The following CBR4 variants were observed in gnomAD, a reference collection of about 807,000 sequenced individuals.
The protein encoded by CBR4 is carbonyl reductase 4.
A neutral mutation model predicts 21.0 loss-of-function variants in CBR4; 22 were observed. The observed-to-expected ratio is 1.05, with a 90% CI of 0.75 to 1.50. CBR4 has a LOEUF of 1.50. CBR4 is among the 40% of genes most tolerant of loss of function. CBR4 has a pLI of 0.00. For synonymous variants in CBR4, 100 were observed against 104.4 expected (o/e 0.96, Z 0.26); for missense variants, 302 against 286.3 (o/e 1.05, Z -0.40).
chr4:168,938,693 T>C (rs1010094219), intron 2 of CBR4, among the ~76,000 whole-genome samples: 10 of 152,044 alleles, frequency 6.6e-5, no homozygotes, highest in Admixed American at 1.3e-4. Context: ...TCTATGCAAA[T>C]AAACTAGAAA....
At chr4:168,899,562 G>C (rs1157565613) in intron 2 of CBR4, among the ~76,000 whole-genome samples, 1 of 152,166 alleles carries the variant, frequency 6.6e-6, no homozygotes, top group African/African-American at 2.4e-5. Context: ...ACCATGAGGA[G>C]AGTTGTGTTA....
intron 3 of CBR4, among the ~76,000 whole-genome samples, chr4:169,006,196 T>C (rs189645841): frequency 2.6e-5 from 4 of 152,310 alleles, no homozygotes; most frequent in Admixed American, 6.5e-5. Context: ...CACTGTCTAC[T>C]TTAATTCCTT....
chr4:168,957,903 T>A (rs1763734830), intron 2 of CBR4, among the ~76,000 whole-genome samples: 1 of 152,076 alleles, frequency 6.6e-6, no homozygotes, highest in Admixed American at 6.6e-5. Context: ...TATAAGGGGT[T>A]TTCCCTGCCT....
intron 2 of CBR4, chr4:168,921,614 G>T: frequency 6.2e-7 from 1 of 1,610,580 alleles, no homozygotes; most frequent in Non-Finnish European, 8.5e-7. Flanking sequence ...ACAAGATGCT[G>T]GTGCGTGAGA....
rs6828456 is a variant in CBR4 at position 168,988,640 on chromosome 4, C to T, written c.*1510G>A. 1 of 985,026 alleles carries T rather than the reference C, an allele frequency of 1.0e-6. No homozygotes were observed. The highest frequency in any genetic ancestry group is 1.2e-6 in the Non-Finnish European group (1 of 829,574). The allele number at this position is 985,026 out of a possible 1,614,324, so 61.0% of individuals were successfully genotyped here. ...CTATATGTGCCTAGACTTGGTAATG[C>T]CTGATAAATTCTGTATATTACCACG... On this transcript the variant is annotated 3_prime_UTR_variant, in exon 5 of 5. Transcript: ENST00000306193.
At chr4:168,919,572 G>GAA (rs1198277536) in intron 2 of CBR4, among the ~76,000 whole-genome samples, 1 of 144,090 alleles carries the variant, frequency 6.9e-6, no homozygotes, top group African/African-American at 2.5e-5. Flanking sequence ...GATAGATCAG[G>GAA]AAAAAAAAAA....
intron 4 of CBR4, among the ~76,000 whole-genome samples, chr4:168,996,146 G>A (rs982384193): frequency 4.6e-5 from 7 of 152,186 alleles, no homozygotes; most frequent in African/African-American, 1.7e-4. Context: ...TCAGGGGACA[G>A]CTGCTAGCCA....
At chr4:168,917,862 C>T (rs1045302604) in intron 2 of CBR4, among the ~76,000 whole-genome samples, 10 of 151,884 alleles carry the variant, frequency 6.6e-5, no homozygotes, top group African/African-American at 2.4e-4. Flanking sequence ...AGTACAGCTA[C>T]CATATGATCC....
At chr4:168,896,107 G>A (rs562719961) in intron 2 of CBR4, among the ~76,000 whole-genome samples, 7 of 152,164 alleles carry the variant, frequency 4.6e-5, no homozygotes, top group Non-Finnish European at 1.0e-4. Context: ...CTACGCGGGA[G>A]GCTGAGACAT....
chr4:168,929,862 T>C (rs973990615), intron 2 of CBR4, among the ~76,000 whole-genome samples: 5 of 152,334 alleles, frequency 3.3e-5, no homozygotes, highest in African/African-American at 1.2e-4. Flanking sequence ...GCTATTATTT[T>C]AGTGTAGTTG....
chr4:168,938,270 A>G (rs1582293066), intron 2 of CBR4, among the ~76,000 whole-genome samples: 2 of 152,344 alleles, frequency 1.3e-5, no homozygotes, highest in South Asian at 2.1e-4. Context: ...ACTAACGAGA[A>G]CAAAGACACA....
intron 2 of CBR4, among the ~76,000 whole-genome samples, chr4:168,953,130 T>C (rs1457535629): frequency 6.6e-6 from 1 of 152,134 alleles, no homozygotes; most frequent in Non-Finnish European, 1.5e-5. Context: ...CCCAGGTCAA[T>C]GGAGTTGTGT....
At chr4:168,897,021 G>A (rs1242186747) in intron 2 of CBR4, among the ~76,000 whole-genome samples, 2 of 152,056 alleles carry the variant, frequency 1.3e-5, no homozygotes, top group African/African-American at 4.8e-5. Flanking sequence ...AGCAGAGATG[G>A]GGTTTCACCA....
intron 2 of CBR4, among the ~76,000 whole-genome samples, chr4:168,905,367 C>A (rs534347148): frequency 6.6e-6 from 1 of 151,556 alleles, no homozygotes; most frequent in African/African-American, 2.4e-5. Flanking sequence ...CCAGGATGGT[C>A]TCGATCTCCT....
At position 168,987,920 on chromosome 4, in the gene CBR4, A is replaced by G; in HGVS notation, c.*2230T>C. The stretch of plus-strand genomic sequence containing the variant: ...ACAAATTTTAAAGCCCTCCATGCAA[A>G]AAAAAATTAATACATTGGCTTTACC... On this transcript the variant is annotated 3_prime_UTR_variant, in exon 5 of 5. Transcript: ENST00000306193. 1 of 984,544 alleles carries G rather than the reference A, an allele frequency of 1.0e-6. No individual in the cohort carries two copies. The highest frequency in any genetic ancestry group is 1.2e-6 in the Non-Finnish European group (1 of 829,124). 61.0% of individuals were successfully genotyped at this position (984,544 alleles called of 1,614,324 possible). A position where few individuals can be genotyped will look rare whatever the true frequency, so the allele number is the denominator to read the frequency against.
intron 2 of CBR4, among the ~76,000 whole-genome samples, chr4:168,943,577 A>G (rs948376829): frequency 1.3e-5 from 2 of 152,186 alleles, no homozygotes; most frequent in Non-Finnish European, 2.9e-5. Flanking sequence ...TTCCAGCCCA[A>G]GTATCAGAGA....
chr4:168,961,970 GAGGAGAGGAGAGGAGAGGAGAGGAA>G (rs1763873174), intron 2 of CBR4, among the ~76,000 whole-genome samples: 1 of 23,824 alleles, frequency 4.2e-5, no homozygotes, highest in Admixed American at 5.0e-4. Flanking sequence ...GAGGAGAGGA[GAGGAGAGGAGAGGAGAGGAGAGGAA>G]AGGAAAGGAG....
chr4:168,989,307 G>A lies in CBR4; in HGVS notation c.*843C>T. On this transcript the variant is annotated 3_prime_UTR_variant, in exon 5 of 5. Transcript: ENST00000306193. ...AACACATCCTAAGTTCATGAAATCT[G>A]TGCGGTTCACTACTGTACCAGGTAT... is the stretch of plus-strand genomic sequence containing the variant. The A allele has an allele frequency of 1.0e-6, 1 of 985,340 alleles. No homozygotes were observed. Among genetic ancestry groups the A allele is most frequent in the Non-Finnish European group, 1.2e-6 (1 of 829,880 alleles). 61.0% of individuals were successfully genotyped at this position (985,340 alleles called of 1,614,324 possible).
rs571883134 is a variant in CBR4 at position 168,914,530 on chromosome 4, T to C, written n.170-19765A>G. ...ATCTGTCACATTTTAAATACTCAGA[T>C]ATCTGCTAGCAATAGAGATGCTTTC... is the stretch of plus-strand genomic sequence containing the variant. On this transcript the variant is annotated intron_variant and non_coding_transcript_variant, in intron 2 of 3. Transcript: ENST00000509108. 9.2e-5 allele frequency among the ~76,000 whole-genome samples: 14 copies of C among 152,350 alleles called. No homozygotes were observed. The East Asian group carries it at 2.5e-3, about 27-fold the overall frequency.
Sources: gnomAD v4.1 joint callset for allele counts (sites outside exome capture counted in the v4.1 genomes callset) on GRCh38, gnomAD v4.1.1 for gene constraint, MANE v1.5 for transcripts, NCBI Gene and HGNC (gene_info 2026-07-23, HGNC 2026-07-21) for gene names.